STK38L: variants seen among roughly 807,000 people sequenced by gnomAD.
STK38L encodes serine/threonine kinase 38 like.
A neutral mutation model predicts 59.7 loss-of-function variants in STK38L; 28 were observed. That is an observed-to-expected ratio of 0.47 (90% confidence interval 0.35 to 0.64). STK38L has a LOEUF of 0.64. STK38L is among the 30% of genes least tolerant of loss of function. STK38L has a pLI of 0.01. For missense variants in STK38L, 314 were observed against 555.8 expected (o/e 0.56, Z 4.37); for synonymous variants, 162 against 176.8 (o/e 0.92, Z 0.66).
At chr12:27,270,348 C>T (rs895450894) in intron 1 of STK38L, among the ~76,000 whole-genome samples, 2 of 151,686 alleles carry the variant, frequency 1.3e-5, no homozygotes, top group Admixed American at 1.3e-4. Flanking sequence ...GCTGGGTCTA[C>T]CAGTGTGCCA....
At chr12:27,322,084 T>C in intron 12 of STK38L, 59 bp from the exon 13 acceptor site, 2 of 1,432,038 alleles carry the variant, frequency 1.4e-6, no homozygotes, top group Non-Finnish European at 1.9e-6. Flanking sequence ...AGTAGAATTA[T>C]TTGTTGGAAA....
chr12:27,315,663 C>T (rs1294777910), intron 9 of STK38L, among the ~76,000 whole-genome samples: 1 of 152,114 alleles, frequency 6.6e-6, no homozygotes, highest in African/African-American at 2.4e-5. Context: ...TTGTGATTTC[C>T]ATTTTTCCAT....
chr12:27,320,442 A>ATT (rs34281958), intron 12 of STK38L, among the ~76,000 whole-genome samples: 4,109 of 91,878 alleles, frequency 0.045, 320 homozygotes, highest in East Asian at 0.31. Context: ...AATTTTGTTG[A>ATT]TTTTTTTTTT....
At chr12:27,299,519 G>A (rs1565544359) in intron 2 of STK38L, among the ~76,000 whole-genome samples, 1 of 151,986 alleles carries the variant, frequency 6.6e-6, no homozygotes, top group Non-Finnish European at 1.5e-5. Flanking sequence ...GTAAGTAGGT[G>A]GATAAATCTC....
At chr12:27,320,442 A>ATTTTTTTTTTTT (rs34281958) in intron 12 of STK38L, among the ~76,000 whole-genome samples, 11 of 91,896 alleles carry the variant, frequency 1.2e-4, no homozygotes, top group East Asian at 3.3e-4. Context: ...AATTTTGTTG[A>ATTTTTTTTTTTT]TTTTTTTTTT....
At chr12:27,244,634 C>T (rs548905148) in intron 1 of STK38L, among the ~76,000 whole-genome samples, 178 of 152,322 alleles carry the variant, frequency 1.2e-3, no homozygotes, top group Non-Finnish European at 2.9e-4. Context: ...CGGGTCCCCG[C>T]CTGGGCTTCA....
chr12:27,263,333 CT>C (rs1264590198), intron 1 of STK38L, among the ~76,000 whole-genome samples: 2 of 152,246 alleles, frequency 1.3e-5, no homozygotes, highest in East Asian at 3.9e-4. Flanking sequence ...GGTAGTATCA[CT>C]TTATGAACAA....
intron 1 of STK38L, among the ~76,000 whole-genome samples, chr12:27,297,334 G>C (rs747144127): frequency 4.1e-4 from 62 of 152,166 alleles, no homozygotes; most frequent in Non-Finnish European, 5.1e-4. Flanking sequence ...ATTTATCAGG[G>C]ACATAGCTAT....
At chr12:27,293,615 T>A in intron 1 of STK38L, 1 of 56,306 alleles carries the variant, frequency 1.8e-5, no homozygotes, top group African/African-American at 5.3e-5. Flanking sequence ...CCTTGCCGCT[T>A]GGCAGACCGA....
rs1429102641 is a variant in STK38L, at chr12:27,246,327, T to TG, written c.-12+1995_-12+1996insG. 9.9e-5 allele frequency among the ~76,000 whole-genome samples: 6 copies of TG among 60,702 alleles called. No homozygotes were observed. In the East Asian group the frequency reaches 0.032, roughly 320 times the overall value. 39.8% of individuals were successfully genotyped at this position (60,702 alleles called of 152,430 possible). ...TGATCCAGGATAAGTTGGAGGCTCT[T>TG]TTGTGTGTGTGTGGCACTTTTTGTT... On this transcript the variant is annotated intron_variant, in intron 1 of 13. Coordinates refer to ENST00000389032, the MANE Select transcript of STK38L (RefSeq NM_015000.4).
intron 1 of STK38L, among the ~76,000 whole-genome samples, chr12:27,292,050 G>A (rs972371130): frequency 3.3e-5 from 5 of 152,216 alleles, no homozygotes; most frequent in Admixed American, 6.5e-5. Context: ...AATGAATAGA[G>A]CAGTCTGGAG....
intron 6 of STK38L, among the ~76,000 whole-genome samples, chr12:27,314,290 ACT>A (rs897018959): frequency 2.0e-5 from 3 of 151,724 alleles, no homozygotes; most frequent in South Asian, 2.1e-4. Context: ...AATCTCAGCT[ACT>A]TGGGTGGCTG....
In STK38L at chr12:27,246,113, T is replaced by A. The variant is rs993289344; in HGVS notation, c.-12+1781T>A. Among the ~76,000 whole-genome samples, 10 of 152,336 alleles carry A rather than the reference T, an allele frequency of 6.6e-5. No homozygotes were observed. In the East Asian group the frequency reaches 1.9e-3, roughly 29 times the overall value. Reference sequence around the variant, plus strand: ...TAGATGTCCTTGTTAGTTTTTATGCTGAAAACTTGATTTCTAAAGGTAGGA... The same window carrying A: ...TAGATGTCCTTGTTAGTTTTTATGCAGAAAACTTGATTTCTAAAGGTAGGA... On this transcript the variant is annotated intron_variant, in intron 1 of 13. Coordinates refer to ENST00000389032, the MANE Select transcript of STK38L (RefSeq NM_015000.4).
chr12:27,318,113 A>G, intron 11 of STK38L, 94 bp downstream of exon 11: 8 of 1,435,740 alleles, frequency 5.6e-6, no homozygotes, highest in Non-Finnish European at 7.7e-6. Context: ...AAGAGGGGAT[A>G]CCACTGATGT....
In STK38L at chr12:27,272,758, C is replaced by T. The variant is rs557462418; in HGVS notation, c.-11-24952C>T. ...TTCTTTCAAAACCTCTTTCCCCCAA[C>T]ACACACAGTGCAGCAGAGAAAAGTT... On this transcript the variant is annotated intron_variant, in intron 1 of 13. Transcript: ENST00000389032. 4.6e-5 allele frequency among the ~76,000 whole-genome samples: 7 copies of T among 152,134 alleles called. No individual in the cohort carries two copies. In the East Asian group the frequency reaches 1.4e-3, roughly 30 times the overall value.
intron 1 of STK38L, among the ~76,000 whole-genome samples, chr12:27,274,993 A>G (rs1464816583): frequency 6.6e-6 from 1 of 152,122 alleles, no homozygotes; most frequent in African/African-American, 2.4e-5. Context: ...AAACATTGCC[A>G]GCAACCACCA....
At chr12:27,312,499 A>T in intron 5 of STK38L, 50 bp from the exon 6 acceptor site, 1 of 1,595,434 alleles carries the variant, frequency 6.3e-7, no homozygotes, top group Non-Finnish European at 8.6e-7. Flanking sequence ...TGAGTTTAAC[A>T]AATGTGTGAT....
At chr12:27,289,052 T>C (rs933813916) in intron 1 of STK38L, among the ~76,000 whole-genome samples, 2 of 152,224 alleles carry the variant, frequency 1.3e-5, no homozygotes, top group African/African-American at 4.8e-5. Context: ...TTTGAAGTTA[T>C]GTGGCATTTC....
intron 6 of STK38L, among the ~76,000 whole-genome samples, chr12:27,313,397 T>C (rs1053111664): frequency 3.9e-5 from 6 of 152,194 alleles, no homozygotes; most frequent in African/African-American, 1.4e-4. Flanking sequence ...ATTTTTATTT[T>C]TTGAGATGAA....
Sources: allele counts gnomAD v4.1 joint callset (sites outside exome capture counted in the v4.1 genomes callset), GRCh38; gene constraint gnomAD v4.1.1; transcripts MANE v1.5; gene names NCBI Gene and HGNC (gene_info 2026-07-23, HGNC 2026-07-21).